MCF2L: variants seen among roughly 807,000 people sequenced by gnomAD.
The protein encoded by MCF2L is MCF.2 cell line derived transforming sequence like, also known as guanine nucleotide exchange factor DBS.
In MCF2L, 97 loss-of-function variants were observed where a neutral mutation model predicts 153.4. The observed-to-expected ratio is 0.63, with a 90% CI of 0.54 to 0.75. The LOEUF (loss-of-function observed/expected upper bound fraction) is 0.75. MCF2L is among the 30% of genes least tolerant of loss of function. The pLI is 0.00. For missense variants in MCF2L, 1,347 were observed against 1,495.2 expected, an observed-to-expected ratio of 0.90 and a Z score of 1.64; for synonymous variants, 659 against 632.2, an observed-to-expected ratio of 1.04 and a Z score of -0.64.
intron 13 of MCF2L, 98 bp downstream of exon 13, chr13:113,077,309 C>T: frequency 7.4e-7 from 1 of 1,351,090 alleles, no homozygotes; most frequent in Non-Finnish European, 9.8e-7. Context: ...CCTGCGAAAA[C>T]TGTCTCCACA....
chr13:113,014,048 C>T (rs967314240), intron 1 of MCF2L, among the ~76,000 whole-genome samples: 11 of 152,052 alleles, frequency 7.2e-5, no homozygotes, highest in African/African-American at 2.2e-4. Context: ...GTGCTGACCC[C>T]ATGCTCCGAG....
Position 113,096,435 on chromosome 13 carries a change from G to A in MCF2L, c.3140G>A (p.Arg1047Lys), listed in dbSNP as rs2035663469. 1 of 1,596,008 alleles carries A rather than the reference G, an allele frequency of 6.3e-7. No individual in the cohort carries two copies. The highest frequency in any genetic ancestry group is 1.1e-5 in the South Asian group (1 of 87,930). ...GGAGGCCCCGATGCGCTGCGCGTGA[G>A]GAGCGGGGACGTGGTGGAGCTGGTG... is the stretch of plus-strand genomic sequence containing the variant. The part of the protein sequence containing the change: ...EKGGPDALRV[R>K]SGDVVELVQE... The change falls in exon 28 of 30, where the codon AGG becomes AAG. Residue 1047 changes from arginine (R) to lysine (K), a missense_variant. Transcript: ENST00000535094.
At chr13:112,936,606 A>G (rs2081517725) in intron 2 of MCF2L, among the ~76,000 whole-genome samples, 1 of 152,210 alleles carries the variant, frequency 6.6e-6, no homozygotes, top group Non-Finnish European at 1.5e-5. Context: ...AAGTTTATTT[A>G]CCTAGAACTG....
At chr13:113,076,716 T>C (rs542354408) in intron 12 of MCF2L, among the ~76,000 whole-genome samples, 1 of 152,360 alleles carries the variant, frequency 6.6e-6, no homozygotes, top group African/African-American at 2.4e-5. Context: ...GTGGCATGGG[T>C]GTGTTCTTCA....
chr13:113,026,167 C>T (rs972114653), intron 3 of MCF2L, among the ~76,000 whole-genome samples: 81 of 75,318 alleles, frequency 1.1e-3, no homozygotes, highest in African/African-American at 4.2e-3. Flanking sequence ...CTGTGAGGTT[C>T]CACCATGGTG....
intron 2 of MCF2L, among the ~76,000 whole-genome samples, chr13:112,953,753 G>A (rs1047957614): frequency 6.6e-6 from 1 of 152,200 alleles, no homozygotes; most frequent in East Asian, 1.9e-4. Flanking sequence ...CTGCCCAGGG[G>A]AAGTGCAGAC....
chr13:112,978,342 G>A (rs929221620), intron 1 of MCF2L, among the ~76,000 whole-genome samples: 1 of 152,202 alleles, frequency 6.6e-6, no homozygotes, highest in East Asian at 1.9e-4. Flanking sequence ...GCAGCCTTGG[G>A]ACCACCTTGT....
At chr13:112,897,973 C>T (rs2081083360) in intron 1 of MCF2L, among the ~76,000 whole-genome samples, 1 of 144,974 alleles carries the variant, frequency 6.9e-6, no homozygotes, top group Admixed American at 6.7e-5. Flanking sequence ...TGTGGCCCGT[C>T]CAGCCCCAGC....
At chr13:112,930,911 T>A (rs1471272419) in intron 2 of MCF2L, among the ~76,000 whole-genome samples, 1 of 152,174 alleles carries the variant, frequency 6.6e-6, no homozygotes, top group East Asian at 1.9e-4. Flanking sequence ...CACTCCAGCC[T>A]GGGTGACAGA....
chr13:112,969,295 C>G lies in MCF2L; in HGVS notation c.-85C>G, dbSNP rs2081962708. On this transcript the variant is annotated 5_prime_UTR_variant, in exon 1 of 30. Coordinates refer to ENST00000535094, the MANE Select transcript of MCF2L (RefSeq NM_001112732.3). The surrounding 1 kb of genome is among the most constrained non-coding windows in gnomAD (Gnocchi z 4.8). ...CCCCCTCCCCGCCTCCGCCGCGCCC[C>G]CTCCGCACTCGCACGGCCCCACCCG... is the stretch of plus-strand genomic sequence containing the variant. 6.6e-7 allele frequency: 1 copy of G among 1,524,886 alleles called. No individual in the cohort carries two copies. The allele number at this position is 1,524,886 out of a possible 1,614,324, so 94.5% of individuals were successfully genotyped here. A position where few individuals can be genotyped will look rare whatever the true frequency, so the allele number is the denominator to read the frequency against.
intron 1 of MCF2L, among the ~76,000 whole-genome samples, chr13:112,895,055 G>A (rs1221169519): frequency 1.3e-5 from 2 of 152,210 alleles, no homozygotes; most frequent in Non-Finnish European, 2.9e-5. Flanking sequence ...CAGACAGCGG[G>A]AAGGCCGTGG....
At chr13:113,019,504 G>A (rs2084746787) in intron 2 of MCF2L, among the ~76,000 whole-genome samples, 1 of 152,226 alleles carries the variant, frequency 6.6e-6, no homozygotes, top group Non-Finnish European at 1.5e-5. Context: ...ATGGACAGAA[G>A]GTCACTGGGG....
At chr13:112,981,329 T>C (rs2082417059) in intron 1 of MCF2L, among the ~76,000 whole-genome samples, 1 of 152,176 alleles carries the variant, frequency 6.6e-6, no homozygotes, top group African/African-American at 2.4e-5. Flanking sequence ...CTTGTCCCTG[T>C]AACTCTCACA....
chr13:113,035,470 G>A lies in MCF2L; in HGVS notation c.279-9801G>A, dbSNP rs746399006. Reference sequence around the variant, plus strand: ...TCTGCAGTCTGTTTTGCCGTTTTCCGCCTCAAACCCCCTCTGCGATGTGCA... The same window carrying A: ...TCTGCAGTCTGTTTTGCCGTTTTCCACCTCAAACCCCCTCTGCGATGTGCA... On this transcript the variant is annotated intron_variant, in intron 3 of 29. Coordinates refer to ENST00000535094, the MANE Select transcript of MCF2L (RefSeq NM_001112732.3). The surrounding 1 kb of genome is among the most constrained non-coding windows in gnomAD (Gnocchi z 4.4). 3.3e-5 allele frequency among the ~76,000 whole-genome samples: 5 copies of A among 152,036 alleles called. No homozygotes were observed. Among genetic ancestry groups the A allele is most frequent in the East Asian group, 1.9e-4 (1 of 5,178 alleles).
chr13:112,914,871 C>CA (rs2081274486), intron 2 of MCF2L, among the ~76,000 whole-genome samples: 2 of 147,008 alleles, frequency 1.4e-5, no homozygotes, highest in South Asian at 4.3e-4. Context: ...CTTGACTTTC[C>CA]TTTTTTTTTT....
chr13:113,063,746 C>T (rs2031927268), intron 5 of MCF2L: 5 of 428,424 alleles, frequency 1.2e-5, no homozygotes, highest in Middle Eastern at 3.4e-4. Context: ...CCACTGTTCT[C>T]CCTCATGTCT....
At chr13:113,004,475 G>C (rs142282762) in intron 1 of MCF2L, among the ~76,000 whole-genome samples, 1 of 152,332 alleles carries the variant, frequency 6.6e-6, no homozygotes, top group East Asian at 1.9e-4. Context: ...GGTTCCTCTG[G>C]GTCCCTGTAG....
Position 112,897,306 on chromosome 13 carries a change from C to T in MCF2L, c.-5+2875C>T, listed in dbSNP as rs189407956. Among the ~76,000 whole-genome samples, 13 of 152,204 alleles carry T rather than the reference C, an allele frequency of 8.5e-5. No homozygotes were observed. In the East Asian group the frequency reaches 1.9e-3, roughly 23 times the overall value. ...TTTGGACATCTGTGAGGGCCACCAT[C>T]GTGAACGTGGTGGTCAGGAGCCCAG... is the stretch of plus-strand genomic sequence containing the variant. On this transcript the variant is annotated intron_variant, in intron 1 of 29. Coordinates refer to the MCF2L transcript ENST00000375608.
chr13:112,990,254 G>A (rs2082847484), intron 1 of MCF2L, among the ~76,000 whole-genome samples: 1 of 152,188 alleles, frequency 6.6e-6, no homozygotes, highest in Non-Finnish European at 1.5e-5. Flanking sequence ...AAAGACCCCT[G>A]GAACTTACAG....
Sources: allele counts gnomAD v4.1 joint callset (sites outside exome capture counted in the v4.1 genomes callset), GRCh38; gene constraint gnomAD v4.1.1; non-coding constraint Gnocchi (gnomAD v3.1); transcripts MANE v1.5; gene names NCBI Gene and HGNC (gene_info 2026-07-23, HGNC 2026-07-21).